PSMD9: variants seen among roughly 807,000 people sequenced by gnomAD.
The protein encoded by PSMD9 is proteasome 26S subunit, non-ATPase 9.
A neutral mutation model predicts 25.9 loss-of-function variants in PSMD9; 26 were observed. The ratio of observed to expected loss-of-function variants is 1.00; its 90% CI spans 0.73 to 1.39. The LOEUF (loss-of-function observed/expected upper bound fraction) is 1.39. Among genes scored for constraint, PSMD9 ranks in the 40% most tolerant of loss-of-function variants. The pLI, the probability that PSMD9 is intolerant of heterozygous loss-of-function variation, is 0.00. For synonymous variants in PSMD9, 110 were observed against 114.5 expected (o/e 0.96, Z 0.25); for missense variants, 303 against 299.3 (o/e 1.01, Z -0.09).
At chr12:121,889,573 G>T (rs1248037882) in intron 1 of PSMD9, among the ~76,000 whole-genome samples, 1 of 152,170 alleles carries the variant, frequency 6.6e-6, no homozygotes, top group South Asian at 2.1e-4. Context: ...ATTACCTGGG[G>T]ATCTTATTAA....
At chr12:121,910,577 G>C (rs879448162) in intron 4 of PSMD9, among the ~76,000 whole-genome samples, 4 of 151,606 alleles carry the variant, frequency 2.6e-5, no homozygotes, top group Admixed American at 1.3e-4. Flanking sequence ...GCCTGCCAGC[G>C]TGGTGAAACC....
chr12:121,899,424 T>C, intron 2 of PSMD9: 1 of 575,654 alleles, frequency 1.7e-6, no homozygotes, highest in Non-Finnish European at 3.1e-6. Context: ...AGTCATCAGA[T>C]GTTATTGTAA....
chr12:121,898,773 G>GTCTTGCTCTGT (rs1879305594), intron 2 of PSMD9: 1 of 153,664 alleles, frequency 6.5e-6, no homozygotes, highest in Non-Finnish European at 1.4e-5. Context: ...CCAGGCTAGA[G>GTCTTGCTCTGT]TGCAGTGGCG....
intron 3 of PSMD9, among the ~76,000 whole-genome samples, chr12:121,901,148 A>G (rs1879384234): frequency 6.6e-6 from 1 of 151,938 alleles, no homozygotes. Context: ...GAACATTGTC[A>G]TTGTCTTGTA....
chr12:121,903,821 C>T (rs188008740), intron 4 of PSMD9, among the ~76,000 whole-genome samples: 272 of 145,840 alleles, frequency 1.9e-3, no homozygotes, highest in Middle Eastern at 3.6e-3. Flanking sequence ...GTGGTGCTAT[C>T]ATAACTACCT....
At chr12:121,901,698 C>T (rs1229608016) in intron 3 of PSMD9, among the ~76,000 whole-genome samples, 3 of 74,090 alleles carry the variant, frequency 4.0e-5, no homozygotes, top group Admixed American at 1.9e-4. Context: ...TTTTTTGAGA[C>T]GGAGTCTCGC....
At chr12:121,902,933 T>G (rs1469306731) in intron 3 of PSMD9, 73 bp from the exon 4 acceptor site, 2 of 1,188,404 alleles carry the variant, frequency 1.7e-6, no homozygotes, top group Non-Finnish European at 2.5e-6. Flanking sequence ...TTAAATTGGG[T>G]ATTGAAGGTT....
intron 2 of PSMD9, among the ~76,000 whole-genome samples, chr12:121,895,836 C>A (rs574165893): frequency 6.6e-6 from 1 of 152,292 alleles, no homozygotes; most frequent in African/African-American, 2.4e-5. Context: ...TGGCATATTC[C>A]CAGCTTCTAG....
chr12:121,910,083 CTTTTTTTTT>C (rs34940246), intron 4 of PSMD9, among the ~76,000 whole-genome samples: 3 of 95,564 alleles, frequency 3.1e-5, no homozygotes, highest in South Asian at 3.8e-4. Context: ...TAGGAAATGA[CTTTTTTTTT>C]TTTTTTTTTT....
At chr12:121,901,744 C>T (rs1264718973) in intron 3 of PSMD9, among the ~76,000 whole-genome samples, 1 of 139,224 alleles carries the variant, frequency 7.2e-6, no homozygotes, top group African/African-American at 2.8e-5. Context: ...GGCACGATCT[C>T]GGCTCACTGC....
chr12:121,900,244 C>T (rs1274059393), intron 3 of PSMD9, among the ~76,000 whole-genome samples: 1 of 152,156 alleles, frequency 6.6e-6, no homozygotes, highest in Non-Finnish European at 1.5e-5. Flanking sequence ...CACAGTGGCT[C>T]ATGCGTGTAA....
chr12:121,902,907 G>A, intron 3 of PSMD9, 99 bp from the exon 4 acceptor site: 1 of 949,322 alleles, frequency 1.1e-6, no homozygotes, highest in Non-Finnish European at 1.7e-6. Flanking sequence ...TAGAAAACAA[G>A]CTCGTGACCT....
chr12:121,905,288 C>CG (rs1046982606), intron 4 of PSMD9, among the ~76,000 whole-genome samples: 2 of 150,052 alleles, frequency 1.3e-5, no homozygotes, highest in South Asian at 4.3e-4. Flanking sequence ...GGTGCAGTCT[C>CG]GGGGGGGCTA....
Position 121,913,242 on chromosome 12 carries a change from C to A in PSMD9, c.556-2614C>A, listed in dbSNP as rs558265315. 7.3e-5 allele frequency among the ~76,000 whole-genome samples: 11 copies of A among 151,530 alleles called. No individual in the cohort carries two copies. In the East Asian group the frequency reaches 1.6e-3, roughly 21 times the overall value. On this transcript the variant is annotated intron_variant, in intron 4 of 5. Coordinates refer to ENST00000541212, the MANE Select transcript of PSMD9 (RefSeq NM_002813.7). The stretch of plus-strand genomic sequence containing the variant: ...TACAGGCGTGAGCCACCGCGCCTGG[C>A]CTTTTTTTTTGTATTTTTAGTAGAG...
At chr12:121,899,404 G>C (rs891178389) in intron 2 of PSMD9, 1 of 517,038 alleles carries the variant, frequency 1.9e-6, no homozygotes, top group African/African-American at 1.9e-5. Flanking sequence ...TGCTGGCCAG[G>C]CCTCCCTGCA....
chr12:121,916,611 A>T lies in PSMD9; in HGVS notation c.*300A>T, dbSNP rs1679155772. The T allele has an allele frequency of 5.2e-6, 2 of 381,094 alleles. No individual in the cohort carries two copies. Among genetic ancestry groups the T allele is most frequent in the South Asian group, 4.8e-5 (1 of 20,640 alleles). 23.6% of individuals were successfully genotyped at this position (381,094 alleles called of 1,614,324 possible). On this transcript the variant is annotated 3_prime_UTR_variant, in exon 6 of 6. Transcript: ENST00000541212. Reference sequence around the variant, plus strand: ...AGGTACTGGTGTGATTATTATTATTATTTTTAATAAAGAGTTTTACAGTGC... The same window carrying T: ...AGGTACTGGTGTGATTATTATTATTTTTTTTAATAAAGAGTTTTACAGTGC...
intron 4 of PSMD9, among the ~76,000 whole-genome samples, chr12:121,913,532 C>T (rs2135733283): frequency 6.7e-6 from 1 of 150,356 alleles, no homozygotes; most frequent in Non-Finnish European, 1.5e-5. Flanking sequence ...CACTCTGTCA[C>T]CCAGGCTGGA....
chr12:121,912,967 C>G (rs1414921885), intron 4 of PSMD9, among the ~76,000 whole-genome samples: 1 of 142,638 alleles, frequency 7.0e-6, no homozygotes, highest in African/African-American at 2.6e-5. Flanking sequence ...GACGGAGTCT[C>G]GCTCTGTCAC....
intron 4 of PSMD9, among the ~76,000 whole-genome samples, chr12:121,906,789 G>C (rs1879567605): frequency 6.6e-6 from 1 of 151,284 alleles, no homozygotes; most frequent in Non-Finnish European, 1.5e-5. Context: ...ACTCCAGCCT[G>C]GGCCGCACAG....
Sources: allele counts gnomAD v4.1 joint callset (sites outside exome capture counted in the v4.1 genomes callset), GRCh38; gene constraint gnomAD v4.1.1; transcripts MANE v1.5; gene names NCBI Gene and HGNC (gene_info 2026-07-23, HGNC 2026-07-21).